Variants in ASB2 observed in about 807,000 individuals in gnomAD.
The protein encoded by ASB2 is ankyrin repeat and SOCS box protein 2.
Under a neutral mutation model 62.4 loss-of-function variants are expected in ASB2, and 58 were observed. The observed-to-expected ratio is 0.93, with a 90% confidence interval of 0.75 to 1.16. The LOEUF is 1.16. Ranked by LOEUF, ASB2 falls within the 50% of genes most tolerant of loss-of-function variation. ASB2 has a pLI of 0.00. For synonymous variants in ASB2, 386 were observed against 385.3 expected, an observed-to-expected ratio of 1.00 and a Z score of -0.02; for missense variants, 928 against 887.9, an observed-to-expected ratio of 1.05 and a Z score of -0.57.
At position 93,937,818 on chromosome 14, in the gene ASB2, G is replaced by A. The variant is rs758649817; in HGVS notation, c.1651C>T (p.Arg551Cys). The change falls in exon 9 of 10, where the codon CGC becomes TGC. Residue 551 changes from arginine (R) to cysteine (C), a missense_variant. By Grantham distance (180) the Arg-to-Cys change is radical. Coordinates refer to ENST00000555019, the MANE Select transcript of ASB2 (RefSeq NM_001202429.2). Reference protein sequence around the residue: ...CEFVSAPEVSRWAGPIIDVLL... With the variant: ...CEFVSAPEVSCWAGPIIDVLL... ...ACATCGATGATGGGCCCCGCCCAGC[G>A]GCTCACCTCTGGGGCAGATACGAAC... 8.7e-6 allele frequency: 14 copies of A among 1,608,654 alleles called. No individual in the cohort carries two copies. The highest frequency in any genetic ancestry group is 1.6e-4 in the Middle Eastern group (1 of 6,074).
At chr14:93,962,082 G>C (rs977438615) in intron 2 of ASB2, among the ~76,000 whole-genome samples, 1 of 151,756 alleles carries the variant, frequency 6.6e-6, no homozygotes, top group Non-Finnish European at 1.5e-5. Flanking sequence ...GTGCATTTGG[G>C]GGGAGAAGAA....
At chr14:93,974,890 G>A (rs1288802378) in intron 1 of ASB2, among the ~76,000 whole-genome samples, 3 of 152,372 alleles carry the variant, frequency 2.0e-5, no homozygotes, top group Non-Finnish European at 2.9e-5. Context: ...GTCACCGTGC[G>A]TGGGTTAGAC....
intron 2 of ASB2, 152 bp from the exon 3 acceptor site, chr14:93,957,022 C>T: frequency 1.3e-6 from 2 of 1,528,218 alleles, no homozygotes; most frequent in Non-Finnish European, 1.8e-6. Context: ...TGGCCGGGTC[C>T]TCTGTGTGCT....
rs138887339 is a variant in ASB2 at position 93,937,901 on chromosome 14, G to A, written c.1618-50C>T. The A allele has an allele frequency of 4.7e-4, 724 of 1,550,462 alleles. 4 individuals carry two copies. In the East Asian group the frequency reaches 0.016, roughly 33 times the overall value. On this transcript the variant is annotated intron_variant, in intron 8 of 9. Coordinates refer to ENST00000555019, the MANE Select transcript of ASB2 (RefSeq NM_001202429.2). ...AGAAGTGAGTTCATCCCACCTGCAA[G>A]AGCCTGCGGCCAGGGACGGCAGCGG...
At chr14:93,943,210 G>A (rs1358261813) in intron 7 of ASB2, among the ~76,000 whole-genome samples, 4 of 152,190 alleles carry the variant, frequency 2.6e-5, no homozygotes, top group Non-Finnish European at 5.9e-5. Flanking sequence ...TGATTGGCCC[G>A]TAGTCGGCAG....
chr14:93,935,790 G>A (rs1888253100), intron 9 of ASB2, among the ~76,000 whole-genome samples: 1 of 150,480 alleles, frequency 6.6e-6, no homozygotes, highest in Non-Finnish European at 1.5e-5. Context: ...TGCCCTCTGA[G>A]TTCACTGCCT....
chr14:93,938,346 T>G (rs907718838), intron 8 of ASB2, among the ~76,000 whole-genome samples: 2 of 149,204 alleles, frequency 1.3e-5, no homozygotes, highest in African/African-American at 2.5e-5. Flanking sequence ...TGCACGTCAT[T>G]CTCCTGCCTT....
At chr14:93,973,466 T>A (rs1476057920) in intron 1 of ASB2, among the ~76,000 whole-genome samples, 1 of 152,172 alleles carries the variant, frequency 6.6e-6, no homozygotes, top group Non-Finnish European at 1.5e-5. Flanking sequence ...GAAGGTTTTT[T>A]GAATGTGGAA....
Position 93,939,604 on chromosome 14 carries a change from T to A in ASB2, c.1121A>T (p.His374Leu). Reference sequence around the variant, plus strand: ...GTCGTGGTTGCGCTCGGCCGCCAGGTGCAGCGGACTGACGCCGCTACGGCG... The same window carrying A: ...GTCGTGGTTGCGCTCGGCCGCCAGGAGCAGCGGACTGACGCCGCTACGGCG... ...RIRRSGVSPL[H>L]LAAERNHDEV... The change falls in exon 8 of 10, where the codon CAC (histidine) becomes CTC (leucine). Residue 374 changes from histidine to leucine, a missense_variant. Coordinates refer to ENST00000555019, the MANE Select transcript of ASB2 (RefSeq NM_001202429.2). 1 of 1,561,746 alleles carries A rather than the reference T, an allele frequency of 6.4e-7. No homozygotes were observed. Among genetic ancestry groups the A allele is most frequent in the African/African-American group, 1.4e-5 (1 of 73,450 alleles).
At chr14:93,937,919 G>T in intron 8 of ASB2, 68 bp from the exon 9 acceptor site, 1 of 1,477,872 alleles carries the variant, frequency 6.8e-7, no homozygotes, top group South Asian at 1.3e-5. Context: ...GGCCAGGGAC[G>T]GCAGCGGATG....
intron 8 of ASB2, among the ~76,000 whole-genome samples, chr14:93,938,233 C>CTTTTTTGTTTTTTTT (rs1888346012): frequency 1.5e-5 from 1 of 67,586 alleles, no homozygotes; most frequent in African/African-American, 6.0e-5. Context: ...TAAGTTCTGA[C>CTTTTTTGTTTTTTTT]TTTTTTTTTT....
intron 6 of ASB2, among the ~76,000 whole-genome samples, 156 bp from the exon 7 acceptor site, chr14:93,947,676 C>T (rs949539809): frequency 1.3e-5 from 2 of 152,242 alleles, no homozygotes; most frequent in Non-Finnish European, 2.9e-5. Context: ...CCTGGGGCTA[C>T]CCCCAGCTTC....
At chr14:93,939,750 A>C (rs7155320) in intron 7 of ASB2, 78 bp from the exon 8 acceptor site, 961,487 of 1,164,168 alleles carry the variant, frequency 0.83, 398,286 homozygotes, top group Middle Eastern at 0.89. Flanking sequence ...CCAGCAGGAG[A>C]GCTCGGGCGC....
At chr14:93,971,380 C>T (rs1889752465) in intron 1 of ASB2, among the ~76,000 whole-genome samples, 1 of 152,214 alleles carries the variant, frequency 6.6e-6, no homozygotes, top group African/African-American at 2.4e-5. Context: ...GTCCCCCTGC[C>T]CTCTCTGCTC....
intron 2 of ASB2, among the ~76,000 whole-genome samples, chr14:93,963,186 G>C (rs1016261895): frequency 1.3e-5 from 2 of 152,168 alleles, no homozygotes; most frequent in Non-Finnish European, 2.9e-5. Context: ...ACTGCACATC[G>C]GAAAAAGTCT....
At chr14:93,951,353 A>G in intron 5 of ASB2, 109 bp from the exon 6 acceptor site, 1 of 1,304,516 alleles carries the variant, frequency 7.7e-7, no homozygotes, top group African/African-American at 1.5e-5. Context: ...TCAGCTTTCC[A>G]CTGCATGTGT....
At chr14:93,941,657 T>C (rs1411054990) in intron 7 of ASB2, 1 of 455,612 alleles carries the variant, frequency 2.2e-6, no homozygotes, top group Non-Finnish European at 4.4e-6. Context: ...AATGCTCTGC[T>C]AACAGCTGTA....
chr14:93,941,168 C>T (rs1377415059), intron 7 of ASB2: 1 of 160,678 alleles, frequency 6.2e-6, no homozygotes, highest in Non-Finnish European at 1.4e-5. Flanking sequence ...CCCCAGGACT[C>T]TTTACCCCTT....
intron 6 of ASB2, 121 bp downstream of exon 6, chr14:93,950,878 C>G: frequency 8.7e-7 from 1 of 1,144,586 alleles, no homozygotes; most frequent in Admixed American, 2.3e-5. Flanking sequence ...GGAGGAAACT[C>G]TCACTCCATC....
Sources: gnomAD v4.1 joint callset for allele counts (sites outside exome capture counted in the v4.1 genomes callset) on GRCh38, gnomAD v4.1.1 for gene constraint, MANE v1.5 for transcripts, NCBI Gene and HGNC (gene_info 2026-07-23, HGNC 2026-07-21) for gene names.